The following MEIS1 variants were observed in gnomAD, a reference collection of about 807,000 sequenced individuals.
MEIS1 encodes the protein homeobox protein Meis1.
A neutral mutation model predicts 50.8 loss-of-function variants in MEIS1; 5 were observed. That is an observed-to-expected ratio of 0.10 (90% CI 0.05 to 0.21). MEIS1 has a LOEUF of 0.21. Ranked by LOEUF, MEIS1 falls within the 10% of genes least tolerant of loss-of-function variation. The pLI, the probability that MEIS1 is intolerant of heterozygous loss-of-function variation, is 1.00. For missense variants in MEIS1, 318 were observed against 517.3 expected (o/e 0.61, Z 3.74); for synonymous variants, 176 against 179.3 (o/e 0.98, Z 0.15).
chr2:66,436,682 G>A (rs575911229), intron 1 of MEIS1, among the ~76,000 whole-genome samples: 14 of 152,280 alleles, frequency 9.2e-5, no homozygotes, highest in South Asian at 8.3e-4. Context: ...AAATGTCAGC[G>A]TTCTTCCAAA....
At chr2:66,528,438 G>A (rs997283891) in intron 8 of MEIS1, among the ~76,000 whole-genome samples, 3 of 152,020 alleles carry the variant, frequency 2.0e-5, no homozygotes, top group African/African-American at 7.3e-5. Flanking sequence ...ATCCATCATG[G>A]CTCCCAAACT....
rs575635053 is a variant in MEIS1, at chr2:66,442,837, A to C, written c.484-65A>C. 323 of 1,449,008 alleles carry C rather than the reference A, an allele frequency of 2.2e-4. 3 individuals are homozygous for C. In the East Asian group the frequency reaches 8.3e-3, roughly 37 times the overall value. The allele number at this position is 1,449,008 out of a possible 1,614,324, so 89.8% of individuals were successfully genotyped here. A position where few individuals can be genotyped will look rare whatever the true frequency, so the allele number is the denominator to read the frequency against. The stretch of plus-strand genomic sequence containing the variant: ...GGATCTCACAAGGGGGGTGGATTGC[A>C]CTTGTCAATGTCATTTATGCACTCC... On this transcript the variant is annotated intron_variant, in intron 5 of 12. Coordinates refer to ENST00000272369, the MANE Select transcript of MEIS1 (RefSeq NM_002398.3).
At chr2:66,562,754 CAGA>C (rs1404102283) in intron 9 of MEIS1, among the ~76,000 whole-genome samples, 1 of 151,994 alleles carries the variant, frequency 6.6e-6, no homozygotes, top group African/African-American at 2.4e-5. Flanking sequence ...ATAGTTTGGT[CAGA>C]AGAAGAAATT....
intron 9 of MEIS1, among the ~76,000 whole-genome samples, chr2:66,553,784 A>G (rs1000088489): frequency 1.3e-5 from 2 of 152,236 alleles, no homozygotes; most frequent in Admixed American, 6.5e-5. Context: ...GTTTTACACC[A>G]TAAGTTTACT....
chr2:66,496,350 T>C (rs1261602548), intron 7 of MEIS1: 1 of 152,144 alleles, frequency 6.6e-6, no homozygotes, highest in Non-Finnish European at 1.5e-5. Flanking sequence ...GACTTGCTTT[T>C]CTTTGATACA....
At chr2:66,569,226 A>G (rs1157071356) in intron 12 of MEIS1, 81 bp downstream of exon 12, 2 of 1,163,778 alleles carry the variant, frequency 1.7e-6, no homozygotes, top group Non-Finnish European at 2.5e-6. Context: ...CTCCTTGCCC[A>G]TAGCTTCATG....
At chr2:66,569,995 C>T (rs570432130) in intron 12 of MEIS1, 2 of 152,172 alleles carry the variant, frequency 1.3e-5, no homozygotes, top group African/African-American at 4.8e-5. Context: ...GTTTTGAACA[C>T]CAAGGCTCTT....
chr2:66,553,408 T>A (rs1398316538), intron 9 of MEIS1, among the ~76,000 whole-genome samples: 1 of 152,196 alleles, frequency 6.6e-6, no homozygotes, highest in Non-Finnish European at 1.5e-5. Context: ...TCAATTCTAA[T>A]AATATTACCT....
chr2:66,447,896 A>G, intron 6 of MEIS1, among the ~76,000 whole-genome samples: 1 of 152,188 alleles, frequency 6.6e-6, no homozygotes, highest in East Asian at 1.9e-4. Flanking sequence ...TGAATAATGG[A>G]AAGCAATGAT....
chr2:66,522,436 C>T (rs866699232), intron 8 of MEIS1, among the ~76,000 whole-genome samples: 2 of 152,114 alleles, frequency 1.3e-5, no homozygotes, highest in South Asian at 2.1e-4. Context: ...GTGGGCCAGG[C>T]GAGGGGATCC....
At chr2:66,542,220 C>G (rs557892528) in intron 8 of MEIS1, among the ~76,000 whole-genome samples, 4 of 151,860 alleles carry the variant, frequency 2.6e-5, no homozygotes, top group African/African-American at 9.7e-5. Flanking sequence ...CCCTTAGTGA[C>G]AAAAACTCAG....
chr2:66,560,595 AAAG>A (rs1675189379), intron 9 of MEIS1, among the ~76,000 whole-genome samples: 1 of 151,824 alleles, frequency 6.6e-6, no homozygotes, highest in South Asian at 2.1e-4. Context: ...AAAAAAAAAA[AAAG>A]AAAGAAAAGA....
intron 7 of MEIS1, among the ~76,000 whole-genome samples, chr2:66,477,949 T>C (rs1277444328): frequency 6.6e-6 from 1 of 152,214 alleles, no homozygotes; most frequent in Non-Finnish European, 1.5e-5. Flanking sequence ...GTTGACTTTT[T>C]GCCAGAATGT....
chr2:66,569,306 C>A (rs551916960), intron 12 of MEIS1, 161 bp downstream of exon 12: 11 of 592,056 alleles, frequency 1.9e-5, no homozygotes, highest in Non-Finnish European at 3.2e-5. Flanking sequence ...TGTGATCAAG[C>A]TTTTAAGCTT....
chr2:66,456,816 C>G (rs1327913383), intron 6 of MEIS1, among the ~76,000 whole-genome samples: 1 of 152,212 alleles, frequency 6.6e-6, no homozygotes, highest in Non-Finnish European at 1.5e-5. Context: ...GGGCCTCCAT[C>G]AGGGAGTGCC....
intron 7 of MEIS1, among the ~76,000 whole-genome samples, chr2:66,475,357 A>T (rs1436405312): frequency 6.8e-6 from 1 of 147,806 alleles, no homozygotes; most frequent in Non-Finnish European, 1.5e-5. Flanking sequence ...TATATGCATA[A>T]ATATAAATAT....
At chr2:66,522,721 C>T (rs186491233) in intron 8 of MEIS1, among the ~76,000 whole-genome samples, 1 of 152,250 alleles carries the variant, frequency 6.6e-6, no homozygotes, top group African/African-American at 2.4e-5. Context: ...TGTTGCCATG[C>T]ATATGTGGCG....
At chr2:66,439,417 T>A in intron 2 of MEIS1, 2 of 1,284,964 alleles carry the variant, frequency 1.6e-6, no homozygotes, top group Non-Finnish European at 2.0e-6. Context: ...CGCGGCCGCC[T>A]AGGAGGAACC....
chr2:66,564,597 A>G (rs956849973), intron 9 of MEIS1, among the ~76,000 whole-genome samples: 9 of 152,200 alleles, frequency 5.9e-5, no homozygotes, highest in African/African-American at 1.9e-4. Flanking sequence ...GGAGAAGGCT[A>G]TAAAGCATAA....
Sources: gnomAD v4.1 joint callset for allele counts (sites outside exome capture counted in the v4.1 genomes callset) on GRCh38, gnomAD v4.1.1 for gene constraint, MANE v1.5 for transcripts, NCBI Gene and HGNC (gene_info 2026-07-23, HGNC 2026-07-21) for gene names.